Variants in KANSL1 observed in about 807,000 individuals in gnomAD.
KANSL1 encodes MLL1/MLL complex subunit KANSL1.
A neutral mutation model predicts 103.6 loss-of-function variants in KANSL1; 22 were observed. That is an observed-to-expected ratio of 0.21 (90% confidence interval 0.15 to 0.30). The LOEUF (loss-of-function observed/expected upper bound fraction) is 0.30. Ranked by LOEUF, KANSL1 falls within the 10% of genes least tolerant of loss-of-function variation. The probability of loss-of-function intolerance (pLI) is 1.00; values close to 1 mark genes in which losing one functional copy is unlikely to be tolerated. For synonymous variants in KANSL1, 600 were observed against 527.6 expected (o/e 1.14, Z -1.88); for missense variants, 1,337 against 1,399.8 (o/e 0.96, Z 0.72).
chr17:46,066,643 G>C lies in KANSL1; in HGVS notation c.1742C>G (p.Ser581Cys). 3 of 1,614,196 alleles carry C rather than the reference G, an allele frequency of 1.9e-6. No homozygotes were observed. Among genetic ancestry groups the C allele is most frequent in the Non-Finnish European group, 2.5e-6 (3 of 1,180,032 alleles). ...LHKKQRLNLV[S>C]SSSDGTCVAA... ...CACACAGGTGCCATCAGATGATGAA[G>C]AGACGAGATTCAGTCGTTGCTTCTT... The change falls in exon 6 of 15, where the codon TCT becomes TGT. Residue 581 changes from serine (S) to cysteine (C), a missense_variant. Ser to Cys is a moderately radical substitution (Grantham distance 112, BLOSUM62 -1). Around this residue, in one of 2 missense-constraint regions of KANSL1, gnomAD observed 780 missense variants for 923.4 expected, o/e 0.84. Coordinates refer to ENST00000432791, the MANE Select transcript of KANSL1 (RefSeq NM_015443.4).
At chr17:46,073,497 C>CA (rs1288926742) in intron 4 of KANSL1, among the ~76,000 whole-genome samples, 1 of 151,726 alleles carries the variant, frequency 6.6e-6, no homozygotes, top group Non-Finnish European at 1.5e-5. Context: ...CTCATCGGTG[C>CA]AAAAAAATAC....
intron 2 of KANSL1, among the ~76,000 whole-genome samples, chr17:46,135,869 T>C (rs2044115148): frequency 6.6e-6 from 1 of 152,052 alleles, no homozygotes; most frequent in African/African-American, 2.4e-5. Context: ...ACCCAACAAT[T>C]TGCCAAAGAG....
intron 6 of KANSL1, among the ~76,000 whole-genome samples, chr17:46,062,522 C>A (rs1418198205): frequency 6.6e-6 from 1 of 151,442 alleles, no homozygotes; most frequent in East Asian, 2.0e-4. Context: ...CCACGCCCAG[C>A]TAATTTTTGT....
chr17:46,214,113 GC>G (rs2048264702), intron 1 of KANSL1, among the ~76,000 whole-genome samples: 1 of 152,008 alleles, frequency 6.6e-6, no homozygotes. Flanking sequence ...TTTTCCAAAA[GC>G]AAAAACAACA....
chr17:46,183,644 G>C (rs529012676), intron 1 of KANSL1, among the ~76,000 whole-genome samples: 1 of 150,488 alleles, frequency 6.6e-6, no homozygotes, highest in East Asian at 2.0e-4. Context: ...GAAGGAAGGA[G>C]GGAGGGAAGG....
chr17:46,075,552 G>T (rs1284832391), intron 4 of KANSL1, among the ~76,000 whole-genome samples: 1 of 152,116 alleles, frequency 6.6e-6, no homozygotes, highest in Non-Finnish European at 1.5e-5. Flanking sequence ...GGCCAGGCTG[G>T]TCTCAAATTT....
At chr17:46,117,863 A>G (rs2043111678) in intron 2 of KANSL1, among the ~76,000 whole-genome samples, 1 of 152,188 alleles carries the variant, frequency 6.6e-6, no homozygotes, top group African/African-American at 2.4e-5. Context: ...ACAAATAAAT[A>G]CAAAAGAAAT....
At chr17:46,211,880 A>G (rs2048178911) in intron 1 of KANSL1, among the ~76,000 whole-genome samples, 1 of 152,280 alleles carries the variant, frequency 6.6e-6, no homozygotes, top group Non-Finnish European at 1.5e-5. Flanking sequence ...TATTAGGTCC[A>G]TTCAGGTCCT....
At chr17:46,101,074 T>G (rs2042293369) in intron 2 of KANSL1, among the ~76,000 whole-genome samples, 2 of 151,560 alleles carry the variant, frequency 1.3e-5, no homozygotes, top group Admixed American at 6.6e-5. Context: ...TTCTGAAATC[T>G]CCAGGTTATT....
At chr17:46,169,096 T>C (rs1455869293) in intron 2 of KANSL1, among the ~76,000 whole-genome samples, 1 of 152,250 alleles carries the variant, frequency 6.6e-6, no homozygotes, top group Non-Finnish European at 1.5e-5. Context: ...CAATTTAAAA[T>C]CCTTTAACTA....
At chr17:46,142,612 TCAAAACAAAA>T (rs139628243) in intron 2 of KANSL1, among the ~76,000 whole-genome samples, 2 of 152,194 alleles carry the variant, frequency 1.3e-5, no homozygotes, top group African/African-American at 2.4e-5. Context: ...GCAGACTGTA[TCAAAACAAAA>T]CAAAACAAAA....
intron 4 of KANSL1, among the ~76,000 whole-genome samples, chr17:46,082,128 T>C (rs2079008832): frequency 6.6e-6 from 1 of 152,136 alleles, no homozygotes; most frequent in Non-Finnish European, 1.5e-5. Context: ...AAAGGTGACC[T>C]TATGTCTCAG....
At chr17:46,121,700 C>T (rs547563595) in intron 2 of KANSL1, among the ~76,000 whole-genome samples, 2 of 151,868 alleles carry the variant, frequency 1.3e-5, no homozygotes, top group East Asian at 3.9e-4. Context: ...AATGCAGCAA[C>T]TGAGGTTTCT....
At chr17:46,142,235 T>G (rs551597003) in intron 2 of KANSL1, among the ~76,000 whole-genome samples, 5 of 152,248 alleles carry the variant, frequency 3.3e-5, no homozygotes, top group Non-Finnish European at 7.3e-5. Context: ...GACAAAAATT[T>G]AAACAATTTA....
intron 7 of KANSL1, 189 bp downstream of exon 7, chr17:46,050,344 C>A: frequency 1.7e-6 from 1 of 595,124 alleles, no homozygotes; most frequent in East Asian, 2.8e-5. Context: ...AAGTTGCAAC[C>A]TTTTAGTGGC....
intron 1 of KANSL1, among the ~76,000 whole-genome samples, chr17:46,216,004 C>T (rs1389149455): frequency 6.6e-6 from 1 of 152,196 alleles, no homozygotes; most frequent in African/African-American, 2.4e-5. Context: ...CGTGCCACTG[C>T]ACTCCAGCCT....
At chr17:46,185,692 TAC>T (rs58833932) in intron 1 of KANSL1, among the ~76,000 whole-genome samples, 9,404 of 144,136 alleles carry the variant, frequency 0.065, 398 homozygotes, top group Admixed American at 0.098. Context: ...CACACATATA[TAC>T]ACACACACAC....
upstream of KANSL1, chr17:46,193,585 G>GGCC (rs1157179149): frequency 5.8e-6 from 1 of 173,642 alleles, no homozygotes; most frequent in Non-Finnish European, 1.2e-5. Context: ...CAGGAGGCGC[G>GGCC]GCCGCCGCCG....
chr17:46,216,168 T>G (rs1022287701), intron 1 of KANSL1, among the ~76,000 whole-genome samples: 2 of 152,174 alleles, frequency 1.3e-5, no homozygotes, highest in African/African-American at 4.8e-5. Context: ...AAAACACACA[T>G]TTGCAAATCA....
Sources: gnomAD v4.1 joint callset for allele counts (sites outside exome capture counted in the v4.1 genomes callset) on GRCh38, gnomAD v4.1.1 for gene constraint, gnomAD v4.1.1 regional missense constraint, MANE v1.5 for transcripts, NCBI Gene and HGNC (gene_info 2026-07-23, HGNC 2026-07-21) for gene names.